COMMD1: variants seen among roughly 807,000 people sequenced by gnomAD.
COMMD1 encodes the protein COMM domain-containing protein 1.
In COMMD1, 10 loss-of-function variants were observed where a neutral mutation model predicts 17.2. The observed-to-expected ratio is 0.58, with a 90% CI of 0.36 to 0.99. The LOEUF is 0.99. Ranked by LOEUF, COMMD1 falls within the 50% of genes least tolerant of loss-of-function variation. The pLI, the probability that COMMD1 is intolerant of heterozygous loss-of-function variation, is 0.01. For missense variants in COMMD1, 270 were observed against 231.8 expected (o/e 1.17, Z -1.07); for synonymous variants, 97 against 91.6 (o/e 1.06, Z -0.34).
intron 1 of COMMD1, among the ~76,000 whole-genome samples, chr2:61,961,829 A>C (rs1342493556): frequency 6.6e-6 from 1 of 152,020 alleles, no homozygotes; most frequent in East Asian, 1.9e-4. Flanking sequence ...TTATTTCCAG[A>C]TATTAATTTC....
At chr2:61,929,739 C>G (rs1366084874) in intron 1 of COMMD1, among the ~76,000 whole-genome samples, 1 of 152,054 alleles carries the variant, frequency 6.6e-6, no homozygotes, top group Non-Finnish European at 1.5e-5. Flanking sequence ...CAAGACCAGC[C>G]TAAACAACAT....
intron 1 of COMMD1, among the ~76,000 whole-genome samples, chr2:61,995,117 C>T (rs1573045076): frequency 6.6e-6 from 1 of 151,760 alleles, no homozygotes; most frequent in South Asian, 2.1e-4. Flanking sequence ...TCATTAAAAA[C>T]ATTTTTAAAA....
At chr2:62,126,731 C>A (rs1415985677) in intron 2 of COMMD1, among the ~76,000 whole-genome samples, 1 of 152,046 alleles carries the variant, frequency 6.6e-6, no homozygotes, top group Non-Finnish European at 1.5e-5. Context: ...ATGATAGTTT[C>A]TTTTATGAGA....
At chr2:61,931,414 T>C (rs1670465013) in intron 1 of COMMD1, among the ~76,000 whole-genome samples, 1 of 152,184 alleles carries the variant, frequency 6.6e-6, no homozygotes, top group Non-Finnish European at 1.5e-5. Flanking sequence ...GGAAGTCCTT[T>C]GGATGCTGAT....
In COMMD1 at chr2:61,937,389, A is replaced by ATG. The variant is rs1670632479; in HGVS notation, c.180+31532_180+31533insGT. Among the ~76,000 whole-genome samples the ATG allele has an allele frequency of 1.7e-4, 26 of 152,242 alleles. 1 individual carries two copies. In the South Asian group the frequency reaches 5.2e-3, roughly 30 times the overall value. On this transcript the variant is annotated intron_variant, in intron 1 of 2. Coordinates refer to ENST00000311832, the MANE Select transcript of COMMD1 (RefSeq NM_152516.4). ...CAGAGGCAACATCAGTGGCCACCAG[A>ATG]TTTTAATTTTGTCCCATAGTATTGT...
intron 1 of COMMD1, among the ~76,000 whole-genome samples, chr2:61,958,513 C>T (rs1005939948): frequency 2.0e-5 from 3 of 152,082 alleles, no homozygotes; most frequent in Non-Finnish European, 2.9e-5. Context: ...ATGATCCACC[C>T]GCCTTGGCCT....
chr2:61,917,546 G>C (rs1479759180), intron 1 of COMMD1, among the ~76,000 whole-genome samples: 1 of 140,826 alleles, frequency 7.1e-6, no homozygotes, highest in Non-Finnish European at 1.5e-5. Context: ...TTTTTTTTTT[G>C]AGACGGAGTC....
intron 2 of COMMD1, among the ~76,000 whole-genome samples, chr2:62,018,428 C>T (rs1418197680): frequency 6.6e-6 from 1 of 152,128 alleles, no homozygotes; most frequent in Non-Finnish European, 1.5e-5. Context: ...GCAGTTTTTC[C>T]ATTAATATTC....
intron 2 of COMMD1, among the ~76,000 whole-genome samples, chr2:62,043,403 A>G (rs1670292991): frequency 6.6e-6 from 1 of 152,078 alleles, no homozygotes; most frequent in African/African-American, 2.4e-5. Context: ...TTTCAGTCTC[A>G]TAAGGAAGAA....
At chr2:62,133,181 C>G (rs1001331652) in intron 2 of COMMD1, among the ~76,000 whole-genome samples, 8 of 152,206 alleles carry the variant, frequency 5.3e-5, no homozygotes, top group Non-Finnish European at 1.0e-4. Flanking sequence ...TCTGTGGAAG[C>G]CTTTCATCCA....
intron 1 of COMMD1, among the ~76,000 whole-genome samples, chr2:61,923,249 T>C (rs1670241925): frequency 1.3e-5 from 2 of 152,172 alleles, no homozygotes; most frequent in South Asian, 4.1e-4. Flanking sequence ...TTCTTCTGTC[T>C]AGGTGGGTAA....
intron 2 of COMMD1, among the ~76,000 whole-genome samples, chr2:62,077,513 T>C (rs993486178): frequency 6.6e-6 from 1 of 152,154 alleles, no homozygotes; most frequent in African/African-American, 2.4e-5. Context: ...CATAGGCAAC[T>C]TGTATAGCCT....
chr2:61,988,323 C>T (rs1672158128), intron 1 of COMMD1, among the ~76,000 whole-genome samples: 1 of 152,160 alleles, frequency 6.6e-6, no homozygotes, highest in South Asian at 2.1e-4. Context: ...GCATGTTCTA[C>T]CTGGTTACCA....
At chr2:62,031,610 T>C (rs1669909364) in intron 2 of COMMD1, among the ~76,000 whole-genome samples, 1 of 152,248 alleles carries the variant, frequency 6.6e-6, no homozygotes, top group African/African-American at 2.4e-5. Flanking sequence ...TCTGTCATCT[T>C]ACATTGGGCT....
chr2:61,925,789 C>A (rs1670314718), intron 1 of COMMD1, among the ~76,000 whole-genome samples: 1 of 152,094 alleles, frequency 6.6e-6, no homozygotes, highest in Non-Finnish European at 1.5e-5. Context: ...TTTCTTTTCT[C>A]AGTATTACTA....
intron 2 of COMMD1, among the ~76,000 whole-genome samples, chr2:62,066,541 A>G (rs1304773287): frequency 1.4e-5 from 2 of 146,328 alleles, no homozygotes; most frequent in Admixed American, 7.0e-5. Context: ...GTTCATGACT[A>G]CAGGTGGCTG....
intron 2 of COMMD1, among the ~76,000 whole-genome samples, chr2:62,116,487 C>T (rs912126682): frequency 6.6e-6 from 1 of 152,054 alleles, no homozygotes; most frequent in African/African-American, 2.4e-5. Context: ...GCCTGGCCAA[C>T]ATGGCGAAAC....
chr2:62,070,797 A>C (rs1671180332), intron 2 of COMMD1, among the ~76,000 whole-genome samples: 1 of 152,246 alleles, frequency 6.6e-6, no homozygotes, highest in Non-Finnish European at 1.5e-5. Flanking sequence ...TGGGAGGCCA[A>C]GGCGTGCAGA....
intron 1 of COMMD1, among the ~76,000 whole-genome samples, chr2:61,951,419 C>T (rs879850978): frequency 2.0e-5 from 3 of 149,732 alleles, no homozygotes; most frequent in East Asian, 1.9e-4. Context: ...GACATCGTGC[C>T]ACAGCACTCC....
Sources: allele counts gnomAD v4.1 joint callset (sites outside exome capture counted in the v4.1 genomes callset), GRCh38; gene constraint gnomAD v4.1.1; transcripts MANE v1.5; gene names NCBI Gene and HGNC (gene_info 2026-07-23, HGNC 2026-07-21).